The following EXTL3 variants were observed in gnomAD, a reference collection of about 807,000 sequenced individuals.
EXTL3 encodes exostosin-like 3.
In EXTL3, 27 loss-of-function variants were observed where a neutral mutation model predicts 69.3. The ratio of observed to expected loss-of-function variants is 0.39; its 90% CI spans 0.29 to 0.54. EXTL3 has a LOEUF of 0.54. EXTL3 is among the 20% of genes least tolerant of loss of function. The pLI, the probability that EXTL3 is intolerant of heterozygous loss-of-function variation, is 0.69. For synonymous variants in EXTL3, 511 were observed against 499.4 expected (o/e 1.02, Z -0.31); for missense variants, 1,003 against 1,231.8 (o/e 0.81, Z 2.78).
At position 28,713,439 on chromosome 8, in the gene EXTL3, T is replaced by G. The variant is rs1479195785; in HGVS notation, c.-569-18T>G. The G allele has an allele frequency of 1.1e-5, 5 of 472,840 alleles. No individual in the cohort carries two copies. Among genetic ancestry groups the G allele is most frequent in the African/African-American group, 2.1e-5 (1 of 46,614 alleles). 29.3% of individuals were successfully genotyped at this position (472,840 alleles called of 1,614,324 possible). A position where few individuals can be genotyped will look rare whatever the true frequency, so the allele number is the denominator to read the frequency against. On this transcript the variant is annotated intron_variant, in intron 1 of 6. Transcript: ENST00000220562. Reference sequence around the variant, plus strand: ...GTCACTGTTCTATTTTTGTTTTTTGTTTTTTTTTTTAAATCAGGAGAGCAA... The same window carrying G: ...GTCACTGTTCTATTTTTGTTTTTTGGTTTTTTTTTTAAATCAGGAGAGCAA...
In EXTL3 at chr8:28,754,605, GGCT is replaced by G. The variant is rs1802078690; in HGVS notation, c.*3741_*3743del. 1 of 152,244 alleles carries G rather than the reference GGCT, an allele frequency of 6.6e-6. No homozygotes were observed. Among genetic ancestry groups the G allele is most frequent in the Non-Finnish European group, 1.5e-5 (1 of 68,084 alleles). The allele number at this position is 152,244 out of a possible 1,614,324, so 9.4% of individuals were successfully genotyped here. A position where few individuals can be genotyped will look rare whatever the true frequency, so the allele number is the denominator to read the frequency against. ...AGAGAGACTTGAGAAGGTGGCATGA[GGCT>G]GTAGAAAATGTGTCTTCCTATACAC... On this transcript the variant is annotated 3_prime_UTR_variant, in exon 7 of 7. Coordinates refer to ENST00000220562, the MANE Select transcript of EXTL3 (RefSeq NM_001440.4).
intron 1 of EXTL3, among the ~76,000 whole-genome samples, chr8:28,655,618 A>G (rs921642510): frequency 6.6e-6 from 1 of 150,630 alleles, no homozygotes; most frequent in Admixed American, 6.7e-5. Flanking sequence ...CAGCCTCTGG[A>G]GTAGCTGGGA....
chr8:28,701,525 T>C lies in EXTL3; in HGVS notation c.-704T>C, dbSNP rs1265269722. ...TCCGCAGTCGCCTGTCGGAAATGGC[T>C]GCCGGCCGGCAGGGGGAGCGGCGGA... On this transcript the variant is annotated 5_prime_UTR_variant, in exon 1 of 7. Transcript: ENST00000220562. 1 of 152,496 alleles carries C rather than the reference T, an allele frequency of 6.6e-6. No individual in the cohort carries two copies. Among genetic ancestry groups the C allele is most frequent in the African/African-American group, 2.4e-5 (1 of 41,332 alleles). 9.4% of individuals were successfully genotyped at this position (152,496 alleles called of 1,614,324 possible). A position where few individuals can be genotyped will look rare whatever the true frequency, so the allele number is the denominator to read the frequency against.
chr8:28,614,046 G>A (rs1200158445), intron 2 of EXTL3, among the ~76,000 whole-genome samples: 1 of 151,754 alleles, frequency 6.6e-6, no homozygotes, highest in Admixed American at 6.6e-5. Context: ...GCCCAGGCTG[G>A]TCTCAAACTC....
chr8:28,747,551 T>G (rs1801912285), intron 6 of EXTL3, among the ~76,000 whole-genome samples: 1 of 152,176 alleles, frequency 6.6e-6, no homozygotes, highest in South Asian at 2.1e-4. Flanking sequence ...AATGGAAATT[T>G]AAAAATTATT....
At chr8:28,743,272 G>A in intron 6 of EXTL3, 58 bp downstream of exon 6, 1 of 1,599,902 alleles carries the variant, frequency 6.3e-7, no homozygotes, top group Non-Finnish European at 8.6e-7. Flanking sequence ...CACTTGTTTT[G>A]CAGTAGTGCA....
chr8:28,658,257 G>A (rs953411297), intron 1 of EXTL3, among the ~76,000 whole-genome samples: 2 of 152,080 alleles, frequency 1.3e-5, no homozygotes, highest in African/African-American at 4.8e-5. Flanking sequence ...GCCTCAGCAG[G>A]GGATATTTTT....
chr8:28,691,571 G>GTTTTTTTTTTTTTTTTTTTTTTTT (rs1800612428), intron 1 of EXTL3, among the ~76,000 whole-genome samples: 1 of 66,004 alleles, frequency 1.5e-5, no homozygotes, highest in African/African-American at 8.5e-5. Context: ...CAGTTTTTGT[G>GTTTTTTTTTTTTTTTTTTTTTTTT]ATTTTTTTTT....
chr8:28,700,227 A>C (rs1439537761), upstream of EXTL3: 1 of 152,324 alleles, frequency 6.6e-6, no homozygotes, highest in East Asian at 1.9e-4. Context: ...TGTTTATAAT[A>C]ATCAAGAGGA....
rs1801133809 is a variant in EXTL3 at position 28,715,979 on chromosome 8, CAG to C, written c.-77_-76del. 1.7e-6 allele frequency: 2 copies of C among 1,167,618 alleles called. No homozygotes were observed. The highest frequency in any genetic ancestry group is 1.8e-5 in the Admixed American group (1 of 54,610). 72.3% of individuals were successfully genotyped at this position (1,167,618 alleles called of 1,614,324 possible). A position where few individuals can be genotyped will look rare whatever the true frequency, so the allele number is the denominator to read the frequency against. On this transcript the variant is annotated 5_prime_UTR_variant, in exon 3 of 7. An upstream open reading frame in the 5' UTR loses its in-frame stop. Transcript: ENST00000220562. ...CTCTTCTGGAAACGTGTCAGTGAAA[CAG>C]AGATCGTTTTGTGGAATAGCAACCC...
chr8:28,650,576 C>T (rs989130953), intron 1 of EXTL3, among the ~76,000 whole-genome samples: 2 of 152,118 alleles, frequency 1.3e-5, no homozygotes, highest in Non-Finnish European at 2.9e-5. Flanking sequence ...CCAGGCTGGT[C>T]CCAAACTGCT....
chr8:28,644,648 A>G (rs1806799906), intron 1 of EXTL3, among the ~76,000 whole-genome samples: 2 of 152,300 alleles, frequency 1.3e-5, no homozygotes, highest in South Asian at 2.1e-4. Flanking sequence ...GCAGTGAGCT[A>G]TGATGGACAG....
chr8:28,704,985 T>TA (rs1204340781), intron 1 of EXTL3, among the ~76,000 whole-genome samples: 1 of 152,236 alleles, frequency 6.6e-6, no homozygotes, highest in Non-Finnish European at 1.5e-5. Flanking sequence ...CTGTAAAATA[T>TA]AAAAGCACAG....
chr8:28,719,392 T>C (rs1261493969), intron 3 of EXTL3, among the ~76,000 whole-genome samples: 1 of 152,224 alleles, frequency 6.6e-6, no homozygotes, highest in African/African-American at 2.4e-5. Flanking sequence ...AGTATGTTTG[T>C]CTTGCCTATG....
In EXTL3 at chr8:28,711,763, T is replaced by G. The variant is rs141421869; in HGVS notation, c.-569-1694T>G. ...AGAGCCATGGGGAACACTTTCAGTATGAGGTAGGAGGACTGGGTCCCAGCA... is the reference window on the plus strand; with the variant it reads ...AGAGCCATGGGGAACACTTTCAGTAGGAGGTAGGAGGACTGGGTCCCAGCA... On this transcript the variant is annotated intron_variant, in intron 1 of 6. Coordinates refer to ENST00000220562, the MANE Select transcript of EXTL3 (RefSeq NM_001440.4). Among the ~76,000 whole-genome samples, 9 of 152,238 alleles carry G rather than the reference T, an allele frequency of 5.9e-5. No homozygotes were observed. In the East Asian group the frequency reaches 1.7e-3, roughly 29 times the overall value.
chr8:28,730,590 T>C (rs1411029565), intron 3 of EXTL3, among the ~76,000 whole-genome samples: 1 of 152,240 alleles, frequency 6.6e-6, no homozygotes, highest in African/African-American at 2.4e-5. Context: ...TGCATGTATG[T>C]TGAATCACTT....
Position 28,734,085 on chromosome 8 carries a change from T to G in EXTL3, c.2276+2735T>G, listed in dbSNP as rs559565922. ...TGCCCGCCTCGGCCTCCCAAAGTGC[T>G]GGGATTACAGGCATGAGCCACCGCA... On this transcript the variant is annotated intron_variant, in intron 4 of 6. Transcript: ENST00000220562. Among the ~76,000 whole-genome samples the G allele has an allele frequency of 3.0e-4, 45 of 152,316 alleles. 1 individual carries two copies. In the South Asian group the frequency reaches 9.1e-3, roughly 31 times the overall value.
chr8:28,629,998 G>T (rs1020950923), intron 1 of EXTL3, among the ~76,000 whole-genome samples: 4 of 152,200 alleles, frequency 2.6e-5, no homozygotes, highest in Non-Finnish European at 5.9e-5. Flanking sequence ...GATAAAGCCA[G>T]GTTGACTCAT....
chr8:28,702,630 A>G (rs1249822420), intron 1 of EXTL3, among the ~76,000 whole-genome samples: 1 of 136,466 alleles, frequency 7.3e-6, no homozygotes, highest in African/African-American at 2.8e-5. Flanking sequence ...TAAAAACTCT[A>G]AAAGCTTCAT....
Sources: gnomAD v4.1 joint callset for allele counts (sites outside exome capture counted in the v4.1 genomes callset) on GRCh38, gnomAD v4.1.1 for gene constraint, MANE v1.5 for transcripts, NCBI Gene and HGNC (gene_info 2026-07-23, HGNC 2026-07-21) for gene names.